RYR3: variants seen among roughly 807,000 people sequenced by gnomAD.
The protein encoded by RYR3 is brain ryanodine receptor-calcium release channel.
In RYR3, 207 loss-of-function variants were observed where a neutral mutation model predicts 584.3. The ratio of observed to expected loss-of-function variants is 0.35; its 90% confidence interval spans 0.32 to 0.40. The LOEUF is 0.40. Among genes scored for constraint, RYR3 ranks in the 10% least tolerant of loss-of-function variants. The pLI, the probability that RYR3 is intolerant of heterozygous loss-of-function variation, is 1.00. For synonymous variants in RYR3, 2,416 were observed against 2,248.5 expected (o/e 1.07, Z -2.11); for missense variants, 5,616 against 6,089.2 (o/e 0.92, Z 2.59).
intron 43 of RYR3, among the ~76,000 whole-genome samples, chr15:33,715,801 A>T (rs1415961729): frequency 6.6e-6 from 1 of 152,158 alleles, no homozygotes; most frequent in Non-Finnish European, 1.5e-5. Flanking sequence ...CCATCCCTTC[A>T]ATTTTAAACC....
chr15:33,358,046 C>G (rs886992338), intron 1 of RYR3, among the ~76,000 whole-genome samples: 2 of 152,212 alleles, frequency 1.3e-5, no homozygotes, highest in Non-Finnish European at 2.9e-5. Flanking sequence ...AGGGCACGCT[C>G]TTAACCTCTA....
At chr15:33,455,397 T>C (rs2047466144) in intron 1 of RYR3, among the ~76,000 whole-genome samples, 1 of 152,036 alleles carries the variant, frequency 6.6e-6, no homozygotes, top group Non-Finnish European at 1.5e-5. Flanking sequence ...ACTTGGTAAG[T>C]AGTGTGAGAA....
intron 64 of RYR3, among the ~76,000 whole-genome samples, chr15:33,778,832 CCTGA>C (rs1423629907): frequency 6.6e-6 from 1 of 152,202 alleles, no homozygotes; most frequent in African/African-American, 2.4e-5. Flanking sequence ...GAAGAGATTG[CCTGA>C]CTGAGGACCT....
intron 90 of RYR3, 126 bp from the exon 91 acceptor site, chr15:33,841,738 T>G (rs1416812975): frequency 1.1e-6 from 1 of 914,406 alleles, no homozygotes; most frequent in East Asian, 2.7e-5. Flanking sequence ...ACCTGAAGTT[T>G]CCACCTTCAA....
chr15:33,789,639 TA>T, intron 67 of RYR3, among the ~76,000 whole-genome samples: 1 of 23,398 alleles, frequency 4.3e-5, no homozygotes, highest in Non-Finnish European at 8.5e-5. Context: ...TATATATATA[TA>T]TATATATATA....
At chr15:33,728,810 CT>C in intron 46 of RYR3, 46 bp from the exon 47 acceptor site, 1 of 1,558,942 alleles carries the variant, frequency 6.4e-7, no homozygotes. Flanking sequence ...TCTTTTGAGA[CT>C]TTGGAGACAG....
At chr15:33,411,868 C>G (rs984714772) in intron 1 of RYR3, among the ~76,000 whole-genome samples, 6 of 152,170 alleles carry the variant, frequency 3.9e-5, no homozygotes, top group African/African-American at 1.4e-4. Flanking sequence ...AGGGATAAGA[C>G]TGTCAGACAC....
At chr15:33,749,472 C>CAT (rs1298497144) in intron 55 of RYR3, among the ~76,000 whole-genome samples, 1 of 152,208 alleles carries the variant, frequency 6.6e-6, no homozygotes, top group African/African-American at 2.4e-5. Flanking sequence ...TTCCAAAGTA[C>CAT]ATCCTTCATT....
chr15:33,643,429 G>GT (rs530545886), intron 27 of RYR3, among the ~76,000 whole-genome samples: 1 of 152,216 alleles, frequency 6.6e-6, no homozygotes. Flanking sequence ...GCTTTGGTCT[G>GT]TTTTGAGTGG....
chr15:33,626,486 C>A (rs1452448520), intron 20 of RYR3, among the ~76,000 whole-genome samples: 1 of 152,118 alleles, frequency 6.6e-6, no homozygotes, highest in African/African-American at 2.4e-5. Flanking sequence ...AAAAGAAAAA[C>A]CCGTTTTCTG....
chr15:33,771,305 G>A (rs1414712229), intron 62 of RYR3, among the ~76,000 whole-genome samples: 2 of 152,236 alleles, frequency 1.3e-5, no homozygotes, highest in African/African-American at 4.8e-5. Context: ...GGAGGCCAAG[G>A]CGGGCGGATC....
chr15:33,437,113 ATAGAGTGTGTGTGTGT>A (rs1186482213), intron 1 of RYR3, among the ~76,000 whole-genome samples: 1 of 128,120 alleles, frequency 7.8e-6, no homozygotes, highest in Non-Finnish European at 1.6e-5. Flanking sequence ...AGAGAGAGAG[ATAGAGTGTGTGTGTGT>A]GTGTGTGTGT....
chr15:33,587,853 A>C (rs1370209999), intron 16 of RYR3, among the ~76,000 whole-genome samples: 1 of 152,196 alleles, frequency 6.6e-6, no homozygotes, highest in Non-Finnish European at 1.5e-5. Flanking sequence ...GTCATTTTGC[A>C]AAGAATGTGC....
intron 1 of RYR3, among the ~76,000 whole-genome samples, chr15:33,453,975 T>G (rs2047341561): frequency 6.6e-6 from 1 of 152,228 alleles, no homozygotes; most frequent in Non-Finnish European, 1.5e-5. Context: ...GTTGAATTCT[T>G]GCCAGGTTGA....
chr15:33,607,922 G>A (rs146914543), intron 18 of RYR3, among the ~76,000 whole-genome samples: 182 of 152,218 alleles, frequency 1.2e-3, no homozygotes, highest in Non-Finnish European at 2.1e-3. Context: ...TGAGGTAGAC[G>A]TTATTCCTGT....
chr15:33,402,021 A>T (rs527317419), intron 1 of RYR3, among the ~76,000 whole-genome samples: 42 of 152,358 alleles, frequency 2.8e-4, no homozygotes, highest in Admixed American at 5.9e-4. Flanking sequence ...GGTTCTTCCC[A>T]TGATTATTAT....
At chr15:33,579,221 G>A (rs149877227) in intron 12 of RYR3, among the ~76,000 whole-genome samples, 13 of 152,248 alleles carry the variant, frequency 8.5e-5, no homozygotes, top group African/African-American at 2.9e-4. Context: ...AGGGAACACA[G>A]GGTGAGGAAA....
Position 33,865,743 on chromosome 15 carries a change from C to T in RYR3, c.*517C>T, listed in dbSNP as rs1331728394. 1.3e-5 allele frequency: 2 copies of T among 153,590 alleles called. No individual in the cohort carries two copies. The highest frequency in any genetic ancestry group is 2.9e-5 in the Non-Finnish European group (2 of 68,702). 9.5% of individuals were successfully genotyped at this position (153,590 alleles called of 1,614,324 possible). A position where few individuals can be genotyped will look rare whatever the true frequency, so the allele number is the denominator to read the frequency against. On this transcript the variant is annotated 3_prime_UTR_variant, in exon 104 of 104. Coordinates refer to ENST00000634891, the MANE Select transcript of RYR3 (RefSeq NM_001036.6). ...AGTTAAAGAAACAGAAAAAAACCGA[C>T]ACTTTGTCGACACTGAAATATCGAT...
chr15:33,850,717 A>G (rs1181981373), intron 94 of RYR3: 1 of 152,138 alleles, frequency 6.6e-6, no homozygotes. Flanking sequence ...GTATATGTAC[A>G]TTTTACAGTA....
Sources: allele counts gnomAD v4.1 joint callset (sites outside exome capture counted in the v4.1 genomes callset), GRCh38; gene constraint gnomAD v4.1.1; transcripts MANE v1.5; gene names NCBI Gene and HGNC (gene_info 2026-07-23, HGNC 2026-07-21).